Variants in RYR2 observed in about 807,000 individuals in gnomAD.
RYR2 encodes cardiac muscle ryanodine receptor-calcium release channel.
Under a neutral mutation model 601.1 loss-of-function variants are expected in RYR2, and 227 were observed. That is an observed-to-expected ratio of 0.38 (90% CI 0.34 to 0.42). RYR2 has a LOEUF of 0.42. Ranked by LOEUF, RYR2 falls within the 10% of genes least tolerant of loss-of-function variation. RYR2 has a pLI of 1.00. For missense variants in RYR2, 4,646 were observed against 6,156.5 expected, an observed-to-expected ratio of 0.75 and a Z score of 8.21; for synonymous variants, 2,223 against 2,175.1, an observed-to-expected ratio of 1.02 and a Z score of -0.61.
chr1:237,330,758 T>G lies in RYR2; in HGVS notation c.169-120T>G. The G allele has an allele frequency of 2.2e-5, 16 of 739,502 alleles. No individual in the cohort carries two copies. In the South Asian group the frequency reaches 2.2e-4, roughly 10 times the overall value. The allele number at this position is 739,502 out of a possible 1,614,324, so 45.8% of individuals were successfully genotyped here. On this transcript the variant is annotated intron_variant, in intron 2 of 104. Coordinates refer to ENST00000366574, the MANE Select transcript of RYR2 (RefSeq NM_001035.3). ...CAGTGTTTCTTGATGACTGGGGAAC[T>G]TGCAGTAGAAAGTTGACAAATACTG...
chr1:237,230,474 A>T (rs967530283), intron 1 of RYR2, among the ~76,000 whole-genome samples: 1 of 152,232 alleles, frequency 6.6e-6, no homozygotes, highest in Non-Finnish European at 1.5e-5. Context: ...AGATAATTGT[A>T]AGGAATTGAC....
rs766525794 is a variant in RYR2, at chr1:237,417,137, C to G, written c.848+14C>G. 6.3e-7 allele frequency: 1 copy of G among 1,599,518 alleles called. No individual in the cohort carries two copies. The highest frequency in any genetic ancestry group is 1.7e-5 in the Admixed American group (1 of 59,968). ...GCTAAGAGTTGCGTAAGTAGAACTTCTAAACACAGCCTAATGCACCAAGTG... is the reference window on the plus strand; with the variant it reads ...GCTAAGAGTTGCGTAAGTAGAACTTGTAAACACAGCCTAATGCACCAAGTG... On this transcript the variant is annotated intron_variant, in intron 11 of 104. Transcript: ENST00000366574.
chr1:237,511,054 T>C (rs941247737), intron 23 of RYR2, among the ~76,000 whole-genome samples: 1 of 152,096 alleles, frequency 6.6e-6, no homozygotes, highest in East Asian at 1.9e-4. Context: ...ATCAGTTTGG[T>C]TCTATACAGG....
intron 24 of RYR2, among the ~76,000 whole-genome samples, chr1:237,519,159 A>G (rs183398430): frequency 2.0e-4 from 31 of 152,256 alleles, no homozygotes; most frequent in Admixed American, 1.8e-3. Flanking sequence ...TGTTTCTTGC[A>G]TATTCTGGAT....
rs188615849 is a variant in RYR2, at chr1:237,569,530, A to G, written c.3598+211A>G. ...TCTATACGACTTAGCTAGGATTTCT[A>G]GAAGGCTGAAATGGCTTTTATGAGT... On this transcript the variant is annotated intron_variant, in intron 29 of 104. Transcript: ENST00000366574. 5.9e-5 allele frequency among the ~76,000 whole-genome samples: 9 copies of G among 152,332 alleles called. No homozygotes were observed. In the East Asian group the frequency reaches 1.4e-3, roughly 23 times the overall value.
At chr1:237,626,236 G>A (rs1369734280) in intron 40 of RYR2, among the ~76,000 whole-genome samples, 1 of 151,830 alleles carries the variant, frequency 6.6e-6, no homozygotes, top group Non-Finnish European at 1.5e-5. Flanking sequence ...TATACTTCTG[G>A]TTGATCCATA....
At position 237,643,316 on chromosome 1, in the gene RYR2, C is replaced by G. The variant is rs1284901839; in HGVS notation, c.7222-11C>G. Reference sequence around the variant, plus strand: ...CAAAGTTGTTCTAATGTTTTTTTTTCCCCTGTATAGTTGATTCATGCCGGG... The same window carrying G: ...CAAAGTTGTTCTAATGTTTTTTTTTGCCCTGTATAGTTGATTCATGCCGGG... On this transcript the variant is annotated splice_polypyrimidine_tract_variant and intron_variant, in intron 47 of 104. Coordinates refer to ENST00000366574, the MANE Select transcript of RYR2 (RefSeq NM_001035.3). The G allele has an allele frequency of 8.1e-6, 13 of 1,595,174 alleles. No homozygotes were observed. The highest frequency in any genetic ancestry group is 1.4e-5 in the African/African-American group (1 of 73,078).
At chr1:237,053,464 G>A (rs1476300807) in intron 1 of RYR2, among the ~76,000 whole-genome samples, 5 of 152,148 alleles carry the variant, frequency 3.3e-5, no homozygotes, top group Admixed American at 1.3e-4. Flanking sequence ...TCCTGCTCCC[G>A]TCATGAAGAA....
In RYR2 at chr1:237,201,068, G is replaced by T. The variant is rs563588599; in HGVS notation, c.49-69429G>T. 2.6e-5 allele frequency among the ~76,000 whole-genome samples: 4 copies of T among 152,316 alleles called. No individual in the cohort carries two copies. The East Asian group carries it at 7.7e-4, about 29-fold the overall frequency. ...TGGCACAGGATGACAGTTTTGGAAAGACAGTAAGGGTAATGATAAGAAACA... is the reference window on the plus strand; with the variant it reads ...TGGCACAGGATGACAGTTTTGGAAATACAGTAAGGGTAATGATAAGAAACA... On this transcript the variant is annotated intron_variant, in intron 1 of 104. Transcript: ENST00000366574.
chr1:237,826,915 C>T (rs1025245422), intron 101 of RYR2, among the ~76,000 whole-genome samples: 5 of 152,186 alleles, frequency 3.3e-5, no homozygotes, highest in African/African-American at 1.2e-4. Flanking sequence ...CAATCTGCAT[C>T]CAGACCCCTT....
intron 26 of RYR2, among the ~76,000 whole-genome samples, chr1:237,549,938 A>G (rs999774098): frequency 2.6e-5 from 4 of 152,182 alleles, no homozygotes; most frequent in Non-Finnish European, 4.4e-5. Context: ...CTCTGTGTCA[A>G]CACATTTTAA....
In RYR2 at chr1:237,209,761, T is replaced by C. The variant is rs182285526; in HGVS notation, c.49-60736T>C. On this transcript the variant is annotated intron_variant, in intron 1 of 104. Coordinates refer to ENST00000366574, the MANE Select transcript of RYR2 (RefSeq NM_001035.3). Reference sequence around the variant, plus strand: ...GTTTCAGCTACTTGGGAGGCTGAGTTGGGAGGATCACTTGAGCCTGGGTAT... The same window carrying C: ...GTTTCAGCTACTTGGGAGGCTGAGTCGGGAGGATCACTTGAGCCTGGGTAT... Among the ~76,000 whole-genome samples the C allele has an allele frequency of 1.8e-3, 270 of 152,162 alleles. 2 individuals carry two copies. The highest frequency in any genetic ancestry group is 3.2e-3 in the Non-Finnish European group (216 of 68,006).
At chr1:237,764,910 T>G (rs963687308) in intron 84 of RYR2, among the ~76,000 whole-genome samples, 2 of 152,176 alleles carry the variant, frequency 1.3e-5, no homozygotes, top group African/African-American at 4.8e-5. Context: ...CTTTGAGGTT[T>G]GTATCTACAG....
At chr1:237,374,609 G>T in intron 6 of RYR2, 108 bp from the exon 7 acceptor site, 1 of 857,752 alleles carries the variant, frequency 1.2e-6, no homozygotes, top group Non-Finnish European at 1.9e-6. Flanking sequence ...AGTGAGCTGT[G>T]ATCACGCCAC....
intron 24 of RYR2, 105 bp downstream of exon 24, chr1:237,511,896 T>C (rs1371095371): frequency 1.1e-5 from 8 of 712,176 alleles, no homozygotes; most frequent in Non-Finnish European, 1.8e-5. Flanking sequence ...AGCTGTGAAG[T>C]GATTTTTAAT....
intron 48 of RYR2, among the ~76,000 whole-genome samples, chr1:237,647,512 ATTAT>A (rs1293849991): frequency 1.3e-5 from 2 of 152,200 alleles, no homozygotes; most frequent in Admixed American, 6.5e-5. Flanking sequence ...CCTTTAGAAC[ATTAT>A]TTGTTTGTTT....
chr1:237,384,424 C>T (rs1190517312), intron 8 of RYR2, among the ~76,000 whole-genome samples: 1 of 152,196 alleles, frequency 6.6e-6, no homozygotes, highest in Non-Finnish European at 1.5e-5. Context: ...ACAAAGCTCT[C>T]GGCTGTAATG....
intron 63 of RYR2, among the ~76,000 whole-genome samples, chr1:237,688,917 A>T (rs1686690293): frequency 6.6e-6 from 1 of 152,128 alleles, no homozygotes; most frequent in African/African-American, 2.4e-5. Context: ...TATACCTCAT[A>T]TAATTTCCTT....
intron 81 of RYR2, among the ~76,000 whole-genome samples, chr1:237,756,706 A>G (rs758519319): frequency 8.5e-5 from 13 of 152,202 alleles, no homozygotes; most frequent in Non-Finnish European, 1.9e-4. Flanking sequence ...CTGGAGAGTC[A>G]ATATGTTCAG....
Sources: gnomAD v4.1 joint callset for allele counts (sites outside exome capture counted in the v4.1 genomes callset) on GRCh38, gnomAD v4.1.1 for gene constraint, MANE v1.5 for transcripts, NCBI Gene and HGNC (gene_info 2026-07-23, HGNC 2026-07-21) for gene names.